Variants in ACVR1 observed in about 807,000 individuals in gnomAD.
ACVR1 encodes the protein activin receptor type-1.
ACVR1 carries 38 observed loss-of-function variants against 57.1 expected under a neutral mutation model. The observed-to-expected ratio is 0.67, with a 90% CI of 0.51 to 0.87. The LOEUF is 0.87. Among genes scored for constraint, ACVR1 ranks in the 40% least tolerant of loss-of-function variants. ACVR1 has a pLI of 0.00. For synonymous variants in ACVR1, 212 were observed against 228.1 expected (o/e 0.93, Z 0.63); for missense variants, 463 against 638.2 (o/e 0.73, Z 2.96).
Position 157,799,458 on chromosome 2 carries a change from G to A in ACVR1, c.36C>T (p.Ile12=). 1 of 1,612,118 alleles carries A rather than the reference G, an allele frequency of 6.2e-7. No homozygotes were observed. The highest frequency in any genetic ancestry group is 1.1e-5 in the South Asian group (1 of 91,014). ...VDGVMILPVL[I]MIALPSPSME... The stretch of plus-strand genomic sequence containing the variant: ...TACTAGGGGAGGGGAGAGCAATCAT[G>A]ATAAGCACAGGAAGAATCATCACTC... Residue 12 remains isoleucine, a synonymous_variant, in exon 3 of 11, where the codon ATC becomes ATT. Coordinates refer to ENST00000434821, the MANE Select transcript of ACVR1 (RefSeq NM_001111067.4).
intron 3 of ACVR1, among the ~76,000 whole-genome samples, chr2:157,793,950 T>TAC (rs1356429547): frequency 1.3e-5 from 2 of 152,194 alleles, no homozygotes; most frequent in African/African-American, 4.8e-5. Context: ...AATAATTTAG[T>TAC]ACCTAGCAGT....
At chr2:157,739,297 A>G (rs543292110) in intron 9 of ACVR1, among the ~76,000 whole-genome samples, 25 of 152,340 alleles carry the variant, frequency 1.6e-4, no homozygotes, top group African/African-American at 5.8e-4. Flanking sequence ...AAGAAGGATA[A>G]ATAATGAACT....
intron 1 of ACVR1, among the ~76,000 whole-genome samples, chr2:157,839,756 C>G (rs937217838): frequency 1.3e-5 from 2 of 152,326 alleles, no homozygotes; most frequent in South Asian, 2.1e-4. Context: ...CAGACTTACC[C>G]AGAAACCACA....
intron 1 of ACVR1, among the ~76,000 whole-genome samples, chr2:157,849,604 A>G (rs1388165649): frequency 6.6e-6 from 1 of 152,250 alleles, no homozygotes; most frequent in African/African-American, 2.4e-5. Context: ...TTAAGAACTT[A>G]CTTTGCTTCC....
chr2:157,811,887 T>C (rs1052787640), intron 2 of ACVR1, among the ~76,000 whole-genome samples: 5 of 152,228 alleles, frequency 3.3e-5, no homozygotes, highest in Non-Finnish European at 1.5e-5. Flanking sequence ...GTTAGCATTG[T>C]GGCACTTCTG....
Position 157,737,295 on chromosome 2 carries a change from T to C in ACVR1, c.*236A>G, listed in dbSNP as rs1684568429. The C allele has an allele frequency of 1.7e-6, 1 of 584,394 alleles. No homozygotes were observed. The highest frequency in any genetic ancestry group is 1.9e-5 in the South Asian group (1 of 51,840). 36.2% of individuals were successfully genotyped at this position (584,394 alleles called of 1,614,324 possible). On this transcript the variant is annotated 3_prime_UTR_variant, in exon 11 of 11. Transcript: ENST00000434821. Reference sequence around the variant, plus strand: ...CCTTTGCAACAGTGTCTGTCCAACATTAGTCTCTGCAGTGTGAACAGTTCG... The same window carrying C: ...CCTTTGCAACAGTGTCTGTCCAACACTAGTCTCTGCAGTGTGAACAGTTCG...
chr2:157,807,860 G>GGGGT (rs1553507169), intron 2 of ACVR1, among the ~76,000 whole-genome samples: 2 of 96,522 alleles, frequency 2.1e-5, no homozygotes, highest in Non-Finnish European at 4.1e-5. Flanking sequence ...AATTTGGGGG[G>GGGGT]GGGGGTGGGT....
chr2:157,859,782 A>C (rs1217289365), intron 1 of ACVR1, among the ~76,000 whole-genome samples: 1 of 152,064 alleles, frequency 6.6e-6, no homozygotes, highest in Non-Finnish European at 1.5e-5. Flanking sequence ...TATCCCCCTA[A>C]GTGTTTCCCA....
intron 9 of ACVR1, among the ~76,000 whole-genome samples, chr2:157,750,157 C>T (rs1190478443): frequency 6.6e-6 from 1 of 152,238 alleles, no homozygotes; most frequent in African/African-American, 2.4e-5. Flanking sequence ...TAGGCTGGTA[C>T]CCAAGCTTGC....
rs1445785601 is a variant in ACVR1 at position 157,875,933 on chromosome 2, G to C, written c.-320C>G. On this transcript the variant is annotated 5_prime_UTR_variant, in exon 1 of 11. Transcript: ENST00000434821. ...CCGGCGAGGGAGCCCGGAACTCTGCGGGGCCGGGAGCCGGGGGCCGAGGGC... is the reference window on the plus strand; with the variant it reads ...CCGGCGAGGGAGCCCGGAACTCTGCCGGGCCGGGAGCCGGGGGCCGAGGGC... 2 of 148,948 alleles carry C rather than the reference G, an allele frequency of 1.3e-5. No individual in the cohort carries two copies. Among genetic ancestry groups the C allele is most frequent in the African/African-American group, 2.4e-5 (1 of 41,022 alleles). The allele number at this position is 148,948 out of a possible 1,614,324, so 9.2% of individuals were successfully genotyped here. A position where few individuals can be genotyped will look rare whatever the true frequency, so the allele number is the denominator to read the frequency against.
At chr2:157,855,346 A>ACACAC (rs1491512988) in intron 1 of ACVR1, among the ~76,000 whole-genome samples, 1 of 135,826 alleles carries the variant, frequency 7.4e-6, no homozygotes, top group Admixed American at 7.3e-5. Context: ...ACACACACAC[A>ACACAC]AAAATTAGCC....
intron 2 of ACVR1, among the ~76,000 whole-genome samples, chr2:157,815,042 T>A (rs1005669502): frequency 6.6e-6 from 1 of 152,090 alleles, no homozygotes; most frequent in African/African-American, 2.4e-5. Context: ...TGAGCCAAGA[T>A]GGCGCCACTG....
chr2:157,746,498 A>G (rs115120996), intron 9 of ACVR1, among the ~76,000 whole-genome samples: 2,625 of 152,318 alleles, frequency 0.017, 69 homozygotes, highest in African/African-American at 0.057. Flanking sequence ...AATGGCCCTA[A>G]GAGAACCACA....
intron 9 of ACVR1, among the ~76,000 whole-genome samples, chr2:157,758,108 AT>A (rs1685505586): frequency 6.6e-6 from 1 of 152,052 alleles, no homozygotes; most frequent in Non-Finnish European, 1.5e-5. Context: ...GTAAAGGCAC[AT>A]ATAGACTGAA....
Position 157,753,301 on chromosome 2 carries a change from G to A in ACVR1, c.1264+7579C>T, listed in dbSNP as rs545905256. Among the ~76,000 whole-genome samples the A allele has an allele frequency of 3.9e-5, 6 of 152,282 alleles. No individual in the cohort carries two copies. In the South Asian group the frequency reaches 6.2e-4, roughly 16 times the overall value. On this transcript the variant is annotated intron_variant, in intron 9 of 10. Transcript: ENST00000434821. ...TCCCAACACTTTGGGAGGCCGAGGC[G>A]GGCAGATCACAAGGTCAGGAGTTTG...
At chr2:157,790,549 G>A (rs550116812) in intron 3 of ACVR1, among the ~76,000 whole-genome samples, 8 of 152,346 alleles carry the variant, frequency 5.3e-5, no homozygotes, top group South Asian at 4.1e-4. Context: ...TCTGGCTTCT[G>A]CTTTCATAAT....
chr2:157,870,650 T>C (rs1328284777), intron 1 of ACVR1, among the ~76,000 whole-genome samples: 1 of 152,192 alleles, frequency 6.6e-6, no homozygotes, highest in Non-Finnish European at 1.5e-5. Flanking sequence ...GGGTCCTAAC[T>C]ATAAATAATG....
chr2:157,761,402 T>A lies in ACVR1; in HGVS notation c.1067-325A>T, dbSNP rs186987603. On this transcript the variant is annotated intron_variant, in intron 8 of 10. Coordinates refer to ENST00000434821, the MANE Select transcript of ACVR1 (RefSeq NM_001111067.4). ...GTCCACAGGAAAACAGGCTCACATG[T>A]TAAATGTGAGCCTCTAAGTGGCTTA... Among the ~76,000 whole-genome samples, 5 of 152,278 alleles carry A rather than the reference T, an allele frequency of 3.3e-5. No homozygotes were observed. The East Asian group carries it at 9.7e-4, about 29-fold the overall frequency.
intron 1 of ACVR1, among the ~76,000 whole-genome samples, chr2:157,868,780 C>T (rs1229155859): frequency 6.6e-6 from 1 of 152,146 alleles, no homozygotes; most frequent in Non-Finnish European, 1.5e-5. Flanking sequence ...CTCAAGTGCA[C>T]CTTAATATTA....
Sources: allele counts gnomAD v4.1 joint callset (sites outside exome capture counted in the v4.1 genomes callset), GRCh38; gene constraint gnomAD v4.1.1; transcripts MANE v1.5; gene names NCBI Gene and HGNC (gene_info 2026-07-23, HGNC 2026-07-21).